Variants in CRACD observed in about 807,000 individuals in gnomAD.
The protein encoded by CRACD is capping protein-inhibiting regulator of actin dynamics.
A neutral mutation model predicts 106.8 loss-of-function variants in CRACD; 56 were observed. The observed-to-expected ratio is 0.52, with a 90% confidence interval of 0.42 to 0.66. The LOEUF is 0.66. Ranked by LOEUF, CRACD falls within the 30% of genes least tolerant of loss-of-function variation. The probability of loss-of-function intolerance (pLI) is 0.00; values close to 1 mark genes in which losing one functional copy is unlikely to be tolerated. For missense variants in CRACD, 1,730 were observed against 1,623.2 expected (o/e 1.07, Z -1.13); for synonymous variants, 754 against 670.8 (o/e 1.12, Z -1.92).
chr4:56,237,049 T>C (rs1740017369), intron 2 of CRACD, among the ~76,000 whole-genome samples: 1 of 152,162 alleles, frequency 6.6e-6, no homozygotes, highest in Non-Finnish European at 1.5e-5. Context: ...GAATTTATGC[T>C]ATAGAAATAA....
intron 1 of CRACD, among the ~76,000 whole-genome samples, chr4:56,109,069 T>C (rs1455038757): frequency 6.6e-6 from 1 of 152,114 alleles, no homozygotes; most frequent in Non-Finnish European, 1.5e-5. Context: ...TGCTAAGTAA[T>C]GGGTGCCTTC....
intron 1 of CRACD, among the ~76,000 whole-genome samples, chr4:56,055,048 G>C (rs761657865): frequency 1.3e-5 from 2 of 152,166 alleles, no homozygotes; most frequent in East Asian, 3.8e-4. Context: ...TAAATCAGAA[G>C]TAAATTTAGC....
chr4:56,147,249 GAAAC>G (rs1296001239), intron 1 of CRACD, among the ~76,000 whole-genome samples: 2 of 152,164 alleles, frequency 1.3e-5, no homozygotes, highest in African/African-American at 2.4e-5. Flanking sequence ...GGGAAAAAGA[GAAAC>G]AAAGCGTTTC....
chr4:56,117,758 T>C (rs1734341902), intron 1 of CRACD, among the ~76,000 whole-genome samples: 1 of 152,212 alleles, frequency 6.6e-6, no homozygotes, highest in Non-Finnish European at 1.5e-5. Context: ...ATTTTATGAA[T>C]GTTTTTTGTT....
intron 4 of CRACD, among the ~76,000 whole-genome samples, chr4:56,302,183 A>G (rs568623295): frequency 6.6e-5 from 10 of 152,308 alleles, no homozygotes; most frequent in African/African-American, 2.2e-4. Flanking sequence ...TGCGATCTCT[A>G]TACAATCACT....
intron 2 of CRACD, among the ~76,000 whole-genome samples, chr4:56,246,318 G>A (rs1740679796): frequency 6.6e-6 from 1 of 152,104 alleles, no homozygotes; most frequent in Non-Finnish European, 1.5e-5. Context: ...TTCACGTGGG[G>A]CCTTAGGTGG....
At chr4:56,323,990 C>A in intron 9 of CRACD, 114 bp from the exon 10 acceptor site, 1 of 1,164,316 alleles carries the variant, frequency 8.6e-7, no homozygotes, top group South Asian at 1.6e-5. Context: ...TCCAGCCCAC[C>A]GTTGGAAGCA....
chr4:56,056,139 C>T (rs1338869953), intron 1 of CRACD, among the ~76,000 whole-genome samples: 1 of 152,058 alleles, frequency 6.6e-6, no homozygotes, highest in Non-Finnish European at 1.5e-5. Flanking sequence ...TCTTAATCTC[C>T]CTGGAGGTTT....
intron 2 of CRACD, among the ~76,000 whole-genome samples, chr4:56,254,652 G>C (rs1741241835): frequency 6.6e-6 from 1 of 152,158 alleles, no homozygotes; most frequent in East Asian, 1.9e-4. Flanking sequence ...TAGAACCCCT[G>C]CTAAACTTGT....
intron 2 of CRACD, among the ~76,000 whole-genome samples, chr4:56,238,553 C>A (rs921533678): frequency 3.9e-5 from 6 of 152,204 alleles, no homozygotes; most frequent in African/African-American, 1.4e-4. Context: ...ACAGCATCAA[C>A]AACTCATTGT....
chr4:56,068,987 G>A (rs1232445141), intron 1 of CRACD, among the ~76,000 whole-genome samples: 2 of 152,178 alleles, frequency 1.3e-5, no homozygotes, highest in Non-Finnish European at 2.9e-5. Context: ...GTGTCCCTGT[G>A]AAAGGAGAAG....
rs565026884 is a variant in CRACD at position 56,194,067 on chromosome 4, T to C, written c.-189+14637T>C. 2.6e-5 allele frequency among the ~76,000 whole-genome samples: 4 copies of C among 152,332 alleles called. No homozygotes were observed. In the South Asian group the frequency reaches 8.3e-4, roughly 32 times the overall value. ...CATTCTTTTACATAGTGAACTATCT[T>C]GATATATTTTCCTATCTCTTTACTA... On this transcript the variant is annotated intron_variant, in intron 2 of 10. Coordinates refer to ENST00000682029, the MANE Select transcript of CRACD (RefSeq NM_001393381.1).
chr4:56,079,425 C>T (rs898480192), intron 1 of CRACD, among the ~76,000 whole-genome samples: 11 of 151,290 alleles, frequency 7.3e-5, no homozygotes, highest in Admixed American at 3.3e-4. Flanking sequence ...TTTCTAACAT[C>T]GTCCTAGTAA....
At chr4:56,088,792 C>T (rs1433732444) in intron 1 of CRACD, among the ~76,000 whole-genome samples, 2 of 150,920 alleles carry the variant, frequency 1.3e-5, no homozygotes, top group Non-Finnish European at 3.0e-5. Context: ...GCAGCGTGAG[C>T]GTGGCTCACG....
Position 56,265,936 on chromosome 4 carries a change from C to T in CRACD, c.-188-6385C>T, listed in dbSNP as rs73817457. On this transcript the variant is annotated intron_variant, in intron 2 of 10. Coordinates refer to ENST00000682029, the MANE Select transcript of CRACD (RefSeq NM_001393381.1). ...TCCTTATGACAAATGGAAAATGAAT[C>T]AGATTTGCTTGACTTCCCTAGTGAT... Among the ~76,000 whole-genome samples, 1,295 of 152,114 alleles carry T rather than the reference C, an allele frequency of 8.5e-3. 14 individuals carry two copies. Among genetic ancestry groups the T allele is most frequent in the African/African-American group, 0.03 (1,236 of 41,488 alleles).
chr4:56,277,908 A>T (rs1282383230), intron 3 of CRACD, among the ~76,000 whole-genome samples: 1 of 152,206 alleles, frequency 6.6e-6, no homozygotes, highest in Non-Finnish European at 1.5e-5. Flanking sequence ...TTCCATTTAC[A>T]TAGCATCAAA....
intron 2 of CRACD, among the ~76,000 whole-genome samples, chr4:56,190,352 G>A (rs999169046): frequency 1.3e-5 from 2 of 152,116 alleles, no homozygotes; most frequent in Middle Eastern, 3.2e-3. Flanking sequence ...GGATGGCTGG[G>A]TCAAATGCTA....
chr4:56,076,186 C>G (rs1460324329), intron 1 of CRACD, among the ~76,000 whole-genome samples: 1 of 152,104 alleles, frequency 6.6e-6, no homozygotes, highest in African/African-American at 2.4e-5. Flanking sequence ...CAGACACACA[C>G]AGAGGGAAAG....
chr4:56,221,852 C>T (rs894319810), intron 2 of CRACD, among the ~76,000 whole-genome samples: 2 of 152,086 alleles, frequency 1.3e-5, no homozygotes, highest in East Asian at 1.9e-4. Context: ...CTACCTTACC[C>T]GAGCCAGAAT....
Sources: gnomAD v4.1 joint callset for allele counts (sites outside exome capture counted in the v4.1 genomes callset) on GRCh38, gnomAD v4.1.1 for gene constraint, MANE v1.5 for transcripts, NCBI Gene and HGNC (gene_info 2026-07-23, HGNC 2026-07-21) for gene names.